CD226: variants seen among roughly 807,000 people sequenced by gnomAD.
The protein encoded by CD226 is CD226 molecule.
A neutral mutation model predicts 34.9 loss-of-function variants in CD226; 24 were observed. The observed-to-expected ratio is 0.69, with a 90% CI of 0.50 to 0.97. CD226 has a LOEUF of 0.97. Among genes scored for constraint, CD226 ranks in the 50% least tolerant of loss-of-function variants. The probability of loss-of-function intolerance (pLI) is 0.00; values close to 1 mark genes in which losing one functional copy is unlikely to be tolerated. For synonymous variants in CD226, 148 were observed against 147.4 expected (o/e 1.00, Z -0.03); for missense variants, 397 against 412.7 (o/e 0.96, Z 0.33).
intron 2 of CD226, among the ~76,000 whole-genome samples, chr18:69,897,038 T>C (rs1221328070): frequency 6.6e-6 from 1 of 152,192 alleles, no homozygotes; most frequent in Non-Finnish European, 1.5e-5. Flanking sequence ...TCTGTGTCCC[T>C]TTAGGGGATA....
rs79920446 is a variant in CD226 at position 69,898,348 on chromosome 18, G to A, written c.383-2303C>T. Reference sequence around the variant, plus strand: ...TCTTCTTCTCTCTGGATGCCGCCCCGTCCAATCTCAGGAGTTTCCTTTGTC... The same window carrying A: ...TCTTCTTCTCTCTGGATGCCGCCCCATCCAATCTCAGGAGTTTCCTTTGTC... On this transcript the variant is annotated intron_variant, in intron 2 of 5. Transcript: ENST00000582621. Among the ~76,000 whole-genome samples, 671 of 152,204 alleles carry A rather than the reference G, an allele frequency of 4.4e-3. 3 individuals carry two copies. Among genetic ancestry groups the A allele is most frequent in the Non-Finnish European group, 7.5e-3 (509 of 68,014 alleles).
At chr18:69,922,434 A>G (rs1010307469) in intron 2 of CD226, among the ~76,000 whole-genome samples, 1 of 152,060 alleles carries the variant, frequency 6.6e-6, no homozygotes, top group African/African-American at 2.4e-5. Context: ...GATGCATACC[A>G]CCACAACTGG....
At chr18:69,880,653 C>CT (rs33978545) in intron 3 of CD226, among the ~76,000 whole-genome samples, 67,709 of 138,086 alleles carry the variant, frequency 0.49, 17,800 homozygotes, top group African/African-American at 0.66. Flanking sequence ...CTTAAGATTT[C>CT]TTTTTTTTTT....
intron 3 of CD226, among the ~76,000 whole-genome samples, chr18:69,880,623 G>C (rs1984193831): frequency 6.6e-6 from 1 of 150,756 alleles, no homozygotes; most frequent in Admixed American, 6.6e-5. Context: ...CAAAATTTCA[G>C]ATACACGAGG....
intron 3 of CD226, among the ~76,000 whole-genome samples, chr18:69,889,366 G>T (rs529365652): frequency 7.2e-5 from 11 of 152,212 alleles, no homozygotes; most frequent in African/African-American, 2.6e-4. Context: ...ACAATGTCAT[G>T]GAAAGGGACA....
intron 3 of CD226, among the ~76,000 whole-genome samples, chr18:69,874,686 AT>A (rs1232793223): frequency 1.3e-5 from 2 of 152,146 alleles, no homozygotes; most frequent in Admixed American, 6.5e-5. Flanking sequence ...ATGTAGCTGC[AT>A]TTTTTTCATA....
chr18:69,883,806 A>G (rs1001284743), intron 3 of CD226, among the ~76,000 whole-genome samples: 1 of 152,276 alleles, frequency 6.6e-6, no homozygotes, highest in African/African-American at 2.4e-5. Flanking sequence ...CAGTATTAAA[A>G]GGCAACCAAC....
chr18:69,894,330 T>A (rs537457831), intron 3 of CD226, among the ~76,000 whole-genome samples: 57 of 92,348 alleles, frequency 6.2e-4, no homozygotes, highest in Non-Finnish European at 9.2e-4. Flanking sequence ...GACAAATGCC[T>A]AATACACAAA....
chr18:69,955,469 T>C (rs1268431158), intron 1 of CD226, among the ~76,000 whole-genome samples: 1 of 152,134 alleles, frequency 6.6e-6, no homozygotes, highest in East Asian at 1.9e-4. Context: ...GGGAAGATTA[T>C]AGTGTGAGAG....
intron 3 of CD226, among the ~76,000 whole-genome samples, chr18:69,875,506 A>G (rs938645619): frequency 2.6e-5 from 4 of 152,192 alleles, no homozygotes; most frequent in African/African-American, 9.7e-5. Context: ...ATTCCCGCCA[A>G]CAGTGTACAA....
rs1489276502 is a variant in CD226, at chr18:69,855,598, A to G, written c.*8716T>C. 1 of 152,174 alleles carries G rather than the reference A, an allele frequency of 6.6e-6. No individual in the cohort carries two copies. Among genetic ancestry groups the G allele is most frequent in the East Asian group, 1.9e-4 (1 of 5,200 alleles). 9.4% of individuals were successfully genotyped at this position (152,174 alleles called of 1,614,324 possible). On this transcript the variant is annotated 3_prime_UTR_variant, in exon 6 of 6. Coordinates refer to ENST00000582621, the MANE Select transcript of CD226 (RefSeq NM_001303618.2). ...ATTAGTGATAGACACCAACTCAGGT[A>G]GCTCAGATAACACTAAATAGAATAA...
chr18:69,920,977 G>A (rs1319493176), intron 2 of CD226, among the ~76,000 whole-genome samples: 1 of 152,186 alleles, frequency 6.6e-6, no homozygotes, highest in African/African-American at 2.4e-5. Context: ...TCAGCCCTGT[G>A]TATTTGTCTT....
chr18:69,923,187 AAAGGAAGG>A (rs370867288), intron 2 of CD226, among the ~76,000 whole-genome samples: 22 of 150,644 alleles, frequency 1.5e-4, no homozygotes, highest in Non-Finnish European at 2.4e-4. Flanking sequence ...AGAAAGAAAG[AAAGGAAGG>A]AAGGAAGGAA....
intron 2 of CD226, among the ~76,000 whole-genome samples, chr18:69,941,834 G>A (rs1186491924): frequency 3.3e-5 from 5 of 152,036 alleles, no homozygotes; most frequent in Admixed American, 2.0e-4. Flanking sequence ...AGGGGCCAGG[G>A]GCAAAATGAT....
At chr18:69,919,393 A>G (rs1018950867) in intron 2 of CD226, among the ~76,000 whole-genome samples, 2 of 152,226 alleles carry the variant, frequency 1.3e-5, no homozygotes, top group African/African-American at 4.8e-5. Flanking sequence ...AATATCTAAA[A>G]TATTGTCAAA....
chr18:69,946,782 T>C lies in CD226; in HGVS notation c.334A>G (p.Thr112Ala), dbSNP rs1327916719. The stretch of plus-strand genomic sequence containing the variant: ...TTCTGCCAAGTTCCCTGTGGGTAAG[T>C]GTAAAGAGAGCAGGAATAGTAGCCA... ...DVGYYSCSLY[T>A]YPQGTWQKVI... The change falls in exon 2 of 6, where the codon ACT becomes GCT. Residue 112 changes from threonine to alanine, a missense_variant. Coordinates refer to ENST00000582621, the MANE Select transcript of CD226 (RefSeq NM_001303618.2). 3.1e-6 allele frequency: 5 copies of C among 1,613,108 alleles called. No homozygotes were observed. Among genetic ancestry groups the C allele is most frequent in the Non-Finnish European group, 4.2e-6 (5 of 1,179,882 alleles).
chr18:69,876,192 G>A (rs748965496), intron 3 of CD226, among the ~76,000 whole-genome samples: 3 of 151,954 alleles, frequency 2.0e-5, no homozygotes, highest in Non-Finnish European at 4.4e-5. Context: ...GGCAAATACA[G>A]TACCAAAAAA....
At chr18:69,906,535 C>T (rs368126660) in intron 2 of CD226, among the ~76,000 whole-genome samples, 5 of 152,196 alleles carry the variant, frequency 3.3e-5, no homozygotes, top group African/African-American at 9.7e-5. Flanking sequence ...GGAATAGCAA[C>T]AGGACTCAAA....
intron 3 of CD226, among the ~76,000 whole-genome samples, chr18:69,880,190 A>C (rs1348646740): frequency 7.1e-6 from 1 of 140,942 alleles, no homozygotes; most frequent in Non-Finnish European, 1.5e-5. Context: ...GAAGGGAAGG[A>C]AAGCGGGGGA....
Sources: gnomAD v4.1 joint callset for allele counts (sites outside exome capture counted in the v4.1 genomes callset) on GRCh38, gnomAD v4.1.1 for gene constraint, MANE v1.5 for transcripts, NCBI Gene and HGNC (gene_info 2026-07-23, HGNC 2026-07-21) for gene names.